Variants in DAB1 observed in about 807,000 individuals in gnomAD.
The protein encoded by DAB1 is disabled homolog 1.
DAB1 carries 15 observed loss-of-function variants against 64.6 expected under a neutral mutation model. The ratio of observed to expected loss-of-function variants is 0.23; its 90% CI spans 0.16 to 0.36. The LOEUF (loss-of-function observed/expected upper bound fraction) is 0.36, where lower values mean the gene tolerates loss of function less well. Ranked by LOEUF, DAB1 falls within the 10% of genes least tolerant of loss-of-function variation. DAB1 has a pLI of 1.00. For synonymous variants in DAB1, 235 were observed against 251.9 expected (o/e 0.93, Z 0.64); for missense variants, 596 against 706.7 (o/e 0.84, Z 1.78).
At chr1:58,395,311 C>CT (rs1205570963) in intron 3 of DAB1, among the ~76,000 whole-genome samples, 5 of 152,282 alleles carry the variant, frequency 3.3e-5, no homozygotes, top group East Asian at 1.9e-4. Flanking sequence ...TTGTAGAACT[C>CT]TAAGTTTCTT....
intron 4 of DAB1, among the ~76,000 whole-genome samples, chr1:58,253,734 AGAGTT>A (rs1346422841): frequency 2.6e-5 from 4 of 152,360 alleles, no homozygotes; most frequent in Admixed American, 6.5e-5. Flanking sequence ...CTAACTAGTA[AGAGTT>A]AAGATTCAAT....
intron 2 of DAB1, among the ~76,000 whole-genome samples, chr1:57,165,294 C>T (rs926078839): frequency 6.6e-6 from 1 of 151,962 alleles, no homozygotes; most frequent in South Asian, 2.1e-4. Flanking sequence ...ACCTACACAG[C>T]CTTGCTAATT....
At chr1:57,846,275 T>A (rs1490040448) in intron 1 of DAB1, among the ~76,000 whole-genome samples, 1 of 151,972 alleles carries the variant, frequency 6.6e-6, no homozygotes, top group East Asian at 1.9e-4. Context: ...CTGGCTAACA[T>A]GGTGAAACCC....
chr1:57,692,946 A>G (rs1646781009), intron 6 of DAB1, among the ~76,000 whole-genome samples: 1 of 152,120 alleles, frequency 6.6e-6, no homozygotes, highest in Non-Finnish European at 1.5e-5. Context: ...GTTAGGCACC[A>G]TGGCTTCTCC....
At chr1:58,130,417 C>T (rs962350899) in intron 5 of DAB1, among the ~76,000 whole-genome samples, 1 of 151,658 alleles carries the variant, frequency 6.6e-6, no homozygotes, top group African/African-American at 2.4e-5. Flanking sequence ...ATCCAACTTG[C>T]CAGTCTGTGC....
Position 57,371,087 on chromosome 1 carries a change from G to A in DAB1, c.-137+52843C>T, listed in dbSNP as rs183640298. Among the ~76,000 whole-genome samples, 46 of 152,298 alleles carry A rather than the reference G, an allele frequency of 3.0e-4. No homozygotes were observed. The East Asian group carries it at 7.5e-3, about 25-fold the overall frequency. On this transcript the variant is annotated intron_variant, in intron 1 of 14. Coordinates refer to ENST00000371236, the MANE Select transcript of DAB1 (RefSeq NM_001365792.1). ...ATAAGTAGCGGCTATATGCACAGCT[G>A]TGGTGACCTGGAAATTTAAAACAAA... is the stretch of plus-strand genomic sequence containing the variant.
chr1:57,899,532 G>T (rs1436078899), intron 5 of DAB1, among the ~76,000 whole-genome samples: 1 of 152,014 alleles, frequency 6.6e-6, no homozygotes, highest in Admixed American at 6.6e-5. Flanking sequence ...GATATCTTAG[G>T]TATCACTGGA....
chr1:57,642,605 T>C (rs561935435), intron 7 of DAB1, among the ~76,000 whole-genome samples: 7 of 152,282 alleles, frequency 4.6e-5, no homozygotes, highest in African/African-American at 1.7e-4. Flanking sequence ...TCCCCAACGC[T>C]AAAAATAAAA....
chr1:57,680,312 A>C (rs1459349877), intron 6 of DAB1, among the ~76,000 whole-genome samples: 1 of 152,230 alleles, frequency 6.6e-6, no homozygotes, highest in East Asian at 1.9e-4. Context: ...TGTTATAACA[A>C]ATTATTGCAA....
At chr1:58,539,314 A>G in intron 1 of DAB1, 1 of 800,886 alleles carries the variant, frequency 1.2e-6, no homozygotes, top group East Asian at 2.4e-5. Flanking sequence ...TGACTACCTG[A>G]AACAAAAAAA....
chr1:57,030,098 G>A (rs1048579086), intron 9 of DAB1, among the ~76,000 whole-genome samples: 3 of 152,292 alleles, frequency 2.0e-5, no homozygotes, highest in African/African-American at 2.4e-5. Flanking sequence ...GACCCAGGGG[G>A]AGTTAATTCA....
chr1:57,091,124 G>A (rs1258551407), intron 4 of DAB1, among the ~76,000 whole-genome samples: 1 of 152,060 alleles, frequency 6.6e-6, no homozygotes, highest in East Asian at 1.9e-4. Context: ...ACATCCCCTT[G>A]TTGCCCCATG....
intron 3 of DAB1, among the ~76,000 whole-genome samples, chr1:58,500,727 ACATT>A (rs1645893048): frequency 6.6e-6 from 1 of 152,202 alleles, no homozygotes; most frequent in Admixed American, 6.6e-5. Context: ...TTTTTCCTAT[ACATT>A]CTATCATTCT....
At chr1:57,567,739 A>G (rs868843100) in intron 7 of DAB1, among the ~76,000 whole-genome samples, 1 of 152,220 alleles carries the variant, frequency 6.6e-6, no homozygotes, top group African/African-American at 2.4e-5. Flanking sequence ...GGACCTCTTC[A>G]AGGAGAACTA....
intron 7 of DAB1, among the ~76,000 whole-genome samples, chr1:57,487,484 G>A (rs1487357673): frequency 6.6e-6 from 1 of 152,150 alleles, no homozygotes; most frequent in Non-Finnish European, 1.5e-5. Context: ...CTCTGTTTCA[G>A]GGTGAAGATC....
chr1:58,216,582 C>G (rs1221753688), intron 4 of DAB1, among the ~76,000 whole-genome samples: 1 of 152,128 alleles, frequency 6.6e-6, no homozygotes, highest in Non-Finnish European at 1.5e-5. Context: ...ATTTTTGGTT[C>G]TAGATCCTTG....
chr1:57,713,986 T>C (rs1452059617), intron 6 of DAB1, among the ~76,000 whole-genome samples: 1 of 152,192 alleles, frequency 6.6e-6, no homozygotes, highest in Non-Finnish European at 1.5e-5. Flanking sequence ...GCACCTGTTA[T>C]ATGTCAGGCA....
intron 4 of DAB1, among the ~76,000 whole-genome samples, chr1:58,194,408 G>C (rs1325249532): frequency 6.6e-6 from 1 of 152,134 alleles, no homozygotes; most frequent in African/African-American, 2.4e-5. Context: ...ATAAATGTTA[G>C]TTCTCATTCT....
chr1:57,416,509 T>C (rs1386510363), intron 1 of DAB1, among the ~76,000 whole-genome samples: 1 of 152,206 alleles, frequency 6.6e-6, no homozygotes, highest in Non-Finnish European at 1.5e-5. Context: ...GAATCGACTG[T>C]TTTAATAGGA....
Sources: gnomAD v4.1 joint callset for allele counts (sites outside exome capture counted in the v4.1 genomes callset) on GRCh38, gnomAD v4.1.1 for gene constraint, MANE v1.5 for transcripts, NCBI Gene and HGNC (gene_info 2026-07-23, HGNC 2026-07-21) for gene names.